Variants in ABCA1 observed in about 807,000 individuals in gnomAD.
ABCA1 encodes the protein ATP binding cassette subfamily A member 1.
ABCA1 carries 133 observed loss-of-function variants against 262.5 expected under a neutral mutation model. The observed-to-expected ratio is 0.51, with a 90% confidence interval of 0.44 to 0.59. ABCA1 has a LOEUF of 0.59. Among genes scored for constraint, ABCA1 ranks in the 20% least tolerant of loss-of-function variants. The pLI is 0.00. For synonymous variants in ABCA1, 1,022 were observed against 1,043.5 expected, an observed-to-expected ratio of 0.98 and a Z score of 0.40; for missense variants, 2,452 against 2,777.5, an observed-to-expected ratio of 0.88 and a Z score of 2.63.
intron 14 of ABCA1, among the ~76,000 whole-genome samples, chr9:104,830,075 C>G (rs78548599): frequency 6.6e-6 from 1 of 152,114 alleles, no homozygotes; most frequent in African/African-American, 2.4e-5. Flanking sequence ...AACTACACCT[C>G]CGCCCATTGT....
rs756436834 is a variant in ABCA1, at chr9:104,796,447, C to T, written c.5122-23G>A. ...GCACTAAAAGTGAAAACAAAGACAT[C>T]CAGTTCACCCCTAAATCAAATATAC... On this transcript the variant is annotated intron_variant, in intron 37 of 49. Transcript: ENST00000374736. The T allele has an allele frequency of 8.3e-6, 13 of 1,568,298 alleles. No homozygotes were observed. In the South Asian group the frequency reaches 1.5e-4, roughly 18 times the overall value.
At position 104,862,671 on chromosome 9, in the gene ABCA1, G is replaced by GGCAGC. The variant is rs1380616023; in HGVS notation, c.422-872_422-871insGCTGC. Among the ~76,000 whole-genome samples the GGCAGC allele has an allele frequency of 5.5e-3, 15 of 2,724 alleles. 2 individuals carry two copies. The highest frequency in any genetic ancestry group is 0.021 in the African/African-American group (15 of 728). The allele number at this position is 2,724 out of a possible 152,430, so 1.8% of individuals were successfully genotyped here. A position where few individuals can be genotyped will look rare whatever the true frequency, so the allele number is the denominator to read the frequency against. On this transcript the variant is annotated intron_variant, in intron 5 of 49. Transcript: ENST00000374736. ...GGCCGGGCCGGGCCGGGCCGGGCCG[G>GGCAGC]GCCGGGCCGGGCCGGGCCGGGCCGG...
At chr9:104,824,419 C>T in intron 18 of ABCA1, 46 bp downstream of exon 18, 1 of 1,612,710 alleles carries the variant, frequency 6.2e-7, no homozygotes, top group East Asian at 2.2e-5. Context: ...TTAGCAGAGG[C>T]AGCAGCACTA....
At chr9:104,801,945 A>G (rs2118898155) in intron 34 of ABCA1, 109 bp downstream of exon 34, 6 of 1,001,874 alleles carry the variant, frequency 6.0e-6, no homozygotes, top group South Asian at 2.6e-5. Flanking sequence ...GTATGCCAAC[A>G]TATTCAGAAC....
chr9:104,782,085 T>C lies in ABCA1; in HGVS notation c.*2230A>G, dbSNP rs1564066567. ...AAATCAGAGGAACCGAAGTAAGGAG[T>C]TGCTCATAGATTTACTATAATGAAG... On this transcript the variant is annotated 3_prime_UTR_variant, in exon 50 of 50. Coordinates refer to ENST00000374736, the MANE Select transcript of ABCA1 (RefSeq NM_005502.4). The C allele has an allele frequency of 6.6e-6, 1 of 152,056 alleles. No homozygotes were observed. Among genetic ancestry groups the C allele is most frequent in the Non-Finnish European group, 1.5e-5 (1 of 67,936 alleles). The allele number at this position is 152,056 out of a possible 1,614,324, so 9.4% of individuals were successfully genotyped here.
At position 104,783,909 on chromosome 9, in the gene ABCA1, A is replaced by C. The variant is rs151170184; in HGVS notation, c.*406T>G. 1 of 191,820 alleles carries C rather than the reference A, an allele frequency of 5.2e-6. No individual in the cohort carries two copies. Among genetic ancestry groups the C allele is most frequent in the Non-Finnish European group, 1.1e-5 (1 of 91,900 alleles). The allele number at this position is 191,820 out of a possible 1,614,324, so 11.9% of individuals were successfully genotyped here. A position where few individuals can be genotyped will look rare whatever the true frequency, so the allele number is the denominator to read the frequency against. Reference sequence around the variant, plus strand: ...CATGGCTTAGTGAATGAGGATGTGCATTACCTTTTGATTTTGATCAATAAT... The same window carrying C: ...CATGGCTTAGTGAATGAGGATGTGCCTTACCTTTTGATTTTGATCAATAAT... On this transcript the variant is annotated 3_prime_UTR_variant, in exon 50 of 50. Transcript: ENST00000374736.
At position 104,840,263 on chromosome 9, in the gene ABCA1, C is replaced by A; in HGVS notation, c.1054+16G>T. 1.9e-6 allele frequency: 3 copies of A among 1,614,100 alleles called. No homozygotes were observed. The highest frequency in any genetic ancestry group is 2.5e-6 in the Non-Finnish European group (3 of 1,180,042). ...ATGGGGTTGGGGACAGGGCTGGGGT[C>A]TGCATGGACACTCACTTGTAGAGTT... On this transcript the variant is annotated intron_variant, in intron 9 of 49. Transcript: ENST00000374736.
intron 44 of ABCA1, 64 bp from the exon 45 acceptor site, chr9:104,788,631 G>A (rs56335678): frequency 6.3e-7 from 1 of 1,579,154 alleles, no homozygotes; most frequent in Admixed American, 1.7e-5. Flanking sequence ...TAGACAATCT[G>A]GCCTAATGTT....
In ABCA1 at chr9:104,826,889, G is replaced by A. The variant is rs1308401820; in HGVS notation, c.2337+59C>T. ...GTTCTCAACTTGCTGCTTTTATTCA[G>A]GGACTCCAAAGGAAGGTCAAATGCC... On this transcript the variant is annotated intron_variant, in intron 16 of 49. Transcript: ENST00000374736. 4 of 1,483,966 alleles carry A rather than the reference G, an allele frequency of 2.7e-6. No homozygotes were observed. In the East Asian group the frequency reaches 9.1e-5, roughly 34 times the overall value. 91.9% of individuals were successfully genotyped at this position (1,483,966 alleles called of 1,614,324 possible).
At chr9:104,814,078 T>A in intron 27 of ABCA1, 40 bp downstream of exon 27, 1 of 1,587,682 alleles carries the variant, frequency 6.3e-7, no homozygotes. Flanking sequence ...GAATTTCACA[T>A]TCAAACAGTA....
chr9:104,913,650 C>T (rs1385455915), intron 1 of ABCA1, among the ~76,000 whole-genome samples: 1 of 152,198 alleles, frequency 6.6e-6, no homozygotes, highest in Non-Finnish European at 1.5e-5. Flanking sequence ...CCTGTTGCCA[C>T]TTCTGACCAT....
At chr9:104,876,564 G>A (rs181394992) in intron 5 of ABCA1, among the ~76,000 whole-genome samples, 88 of 152,326 alleles carry the variant, frequency 5.8e-4, no homozygotes, top group Admixed American at 2.6e-3. Context: ...TGTTCAGTAG[G>A]AAGCAGGCTA....
intron 32 of ABCA1, among the ~76,000 whole-genome samples, chr9:104,803,601 TTTTC>T (rs1025920867): frequency 6.6e-5 from 10 of 150,536 alleles, no homozygotes; most frequent in African/African-American, 2.5e-4. Flanking sequence ...ACTAGAAGCT[TTTTC>T]TTTCTTTTTT....
intron 14 of ABCA1, among the ~76,000 whole-genome samples, chr9:104,830,583 T>C (rs1833205722): frequency 6.6e-6 from 1 of 151,434 alleles, no homozygotes; most frequent in Non-Finnish European, 1.5e-5. Flanking sequence ...CCAGCTACTG[T>C]GGAGGCTGAG....
chr9:104,802,441 C>G (rs1830418587), intron 33 of ABCA1, among the ~76,000 whole-genome samples: 1 of 152,208 alleles, frequency 6.6e-6, no homozygotes, highest in Non-Finnish European at 1.5e-5. Context: ...CACAGATGCT[C>G]CTCCAACCCA....
chr9:104,817,514 G>T lies in ABCA1; in HGVS notation c.3463-110C>A. On this transcript the variant is annotated intron_variant, in intron 23 of 49. Coordinates refer to ENST00000374736, the MANE Select transcript of ABCA1 (RefSeq NM_005502.4). This position sits in a 1 kb window ranked among gnomAD's most constrained non-coding sequence, Gnocchi z 4.7. ...AAGCTCTGTTGTGTGAGAACTAAAG[G>T]AAAAAGCTTTCCCTGGGACACATGC... 1 of 1,204,012 alleles carries T rather than the reference G, an allele frequency of 8.3e-7. No individual in the cohort carries two copies. Among genetic ancestry groups the T allele is most frequent in the Non-Finnish European group, 1.2e-6 (1 of 828,486 alleles). 74.6% of individuals were successfully genotyped at this position (1,204,012 alleles called of 1,614,324 possible).
At chr9:104,845,997 G>C (rs1213633780) in intron 7 of ABCA1, among the ~76,000 whole-genome samples, 3 of 152,270 alleles carry the variant, frequency 2.0e-5, no homozygotes, top group Non-Finnish European at 2.9e-5. Flanking sequence ...GTCAAAAATA[G>C]GGAAAGATGG....
chr9:104,897,570 G>C (rs1272413493), intron 2 of ABCA1, among the ~76,000 whole-genome samples: 5 of 152,176 alleles, frequency 3.3e-5, no homozygotes, highest in Non-Finnish European at 4.4e-5. Flanking sequence ...TCCCACAGTA[G>C]ATTTGGAGCC....
chr9:104,914,441 A>G (rs964686019), intron 1 of ABCA1, among the ~76,000 whole-genome samples: 2 of 151,634 alleles, frequency 1.3e-5, no homozygotes, highest in Non-Finnish European at 2.9e-5. Context: ...CAGAGGTTGC[A>G]GTGAGCCGAG....
Sources: allele counts gnomAD v4.1 joint callset (sites outside exome capture counted in the v4.1 genomes callset), GRCh38; gene constraint gnomAD v4.1.1; non-coding constraint Gnocchi (gnomAD v3.1); transcripts MANE v1.5; gene names NCBI Gene and HGNC (gene_info 2026-07-23, HGNC 2026-07-21).